CTXND2: variants seen among roughly 807,000 people sequenced by gnomAD.
CTXND2 encodes cortexin domain containing 2.
intron 1 of CTXND2, among the ~76,000 whole-genome samples, chr1:150,901,836 T>G (rs1669041451): frequency 6.6e-6 from 1 of 151,406 alleles, no homozygotes; most frequent in African/African-American, 2.4e-5. Flanking sequence ...GAGAATGGCG[T>G]GAACCTGGGA....
intron 1 of CTXND2, among the ~76,000 whole-genome samples, chr1:150,895,528 G>A (rs1668904747): frequency 1.3e-5 from 2 of 152,040 alleles, no homozygotes; most frequent in East Asian, 1.9e-4. Flanking sequence ...ATTTTCAGTA[G>A]AGATGGGCTT....
intron 1 of CTXND2, among the ~76,000 whole-genome samples, chr1:150,893,720 A>C (rs587684720): frequency 6.6e-6 from 1 of 152,124 alleles, no homozygotes; most frequent in East Asian, 1.9e-4. Context: ...CAGCCTCCCA[A>C]AATGCTGGGA....
intron 1 of CTXND2, among the ~76,000 whole-genome samples, chr1:150,887,640 G>A (rs1401339434): frequency 6.6e-6 from 1 of 151,980 alleles, no homozygotes; most frequent in East Asian, 1.9e-4. Flanking sequence ...AGGAAAGTTG[G>A]GGGGACCTCT....
chr1:150,901,447 T>C (rs907994087), intron 1 of CTXND2, among the ~76,000 whole-genome samples: 2 of 152,184 alleles, frequency 1.3e-5, no homozygotes, highest in African/African-American at 4.8e-5. Flanking sequence ...CCAAACACTC[T>C]TGAAAATGAA....
At chr1:150,890,831 C>G (rs1459265399) in intron 1 of CTXND2, among the ~76,000 whole-genome samples, 1 of 152,124 alleles carries the variant, frequency 6.6e-6, no homozygotes, top group Non-Finnish European at 1.5e-5. Context: ...CCTTCACTTT[C>G]ATGCATTGTG....
At chr1:150,906,267 CCAG>C (rs1669145146) in intron 1 of CTXND2, among the ~76,000 whole-genome samples, 1 of 151,914 alleles carries the variant, frequency 6.6e-6, no homozygotes, top group Non-Finnish European at 1.5e-5. Context: ...CCACTGCACT[CCAG>C]CCTGGGTGAC....
exon 2 of CTXND2, chr1:150,912,378 G>T (rs1056971607): frequency 7.5e-6 from 3 of 398,414 alleles, no homozygotes; most frequent in African/African-American, 2.1e-5. Flanking sequence ...TGCCTTTGTT[G>T]TTCTTCTGTT....
chr1:150,906,344 C>A (rs587621702), intron 1 of CTXND2, among the ~76,000 whole-genome samples: 32 of 152,124 alleles, frequency 2.1e-4, no homozygotes, highest in Non-Finnish European at 2.9e-5. Flanking sequence ...GGGAGGGCAA[C>A]TGGGAATTCT....
chr1:150,894,064 T>C lies in CTXND2; in HGVS notation c.-74+6751T>C, dbSNP rs368276789. Among the ~76,000 whole-genome samples the C allele has an allele frequency of 1.3e-4, 20 of 152,224 alleles. No homozygotes were observed. In the East Asian group the frequency reaches 3.3e-3, roughly 25 times the overall value. ...AACTCCTGGACTCAGGCAATCCTCC[T>C]GTCTTGGCTAGTATTAAGTTTTATC... is the stretch of plus-strand genomic sequence containing the variant. On this transcript the variant is annotated intron_variant, in intron 1 of 1. Coordinates refer to ENST00000636087, the Ensembl canonical transcript of CTXND2.
intron 1 of CTXND2, 126 bp from the exon 2 acceptor site, chr1:150,912,116 C>G (rs1027922127): frequency 1.6e-5 from 6 of 382,664 alleles, no homozygotes; most frequent in Non-Finnish European, 4.6e-6. Flanking sequence ...AGTTTTGTAA[C>G]TGCTTCTTAA....
chr1:150,910,609 G>A (rs1471534650), intron 1 of CTXND2, among the ~76,000 whole-genome samples: 1 of 150,974 alleles, frequency 6.6e-6, no homozygotes, highest in Non-Finnish European at 1.5e-5. Context: ...ATAGATACAT[G>A]GGTTTATTTC....
In CTXND2 at chr1:150,906,118, G is replaced by A. The variant is rs977890535; in HGVS notation, c.-73-6124G>A. ...GTTTGAAACCAGCCTGGGCATCATA[G>A]TAAGGCCTCGTCTCTACAAAAAATT... On this transcript the variant is annotated intron_variant, in intron 1 of 1. Coordinates refer to ENST00000636087, the Ensembl canonical transcript of CTXND2. Among the ~76,000 whole-genome samples, 12 of 152,002 alleles carry A rather than the reference G, an allele frequency of 7.9e-5. No homozygotes were observed. The South Asian group carries it at 1.0e-3, about 13-fold the overall frequency.
intron 1 of CTXND2, among the ~76,000 whole-genome samples, chr1:150,898,171 C>G (rs1305414455): frequency 6.8e-6 from 1 of 148,042 alleles, no homozygotes; most frequent in African/African-American, 2.5e-5. Context: ...TTTTGTCTTT[C>G]TAGGATGATG....
At chr1:150,910,120 GTTTTTTT>G (rs1023134562) in intron 1 of CTXND2, among the ~76,000 whole-genome samples, 1 of 131,238 alleles carries the variant, frequency 7.6e-6, no homozygotes, top group South Asian at 2.4e-4. Context: ...TCTTTTTTCT[GTTTTTTT>G]TTTTTCTTTT....
intron 1 of CTXND2, among the ~76,000 whole-genome samples, chr1:150,910,857 T>C (rs1017553921): frequency 6.6e-6 from 1 of 151,952 alleles, no homozygotes; most frequent in African/African-American, 2.4e-5. Flanking sequence ...CAGGCTGGAG[T>C]GCAGTGGCGT....
At chr1:150,909,267 G>A (rs1317857570) in intron 1 of CTXND2, among the ~76,000 whole-genome samples, 1 of 147,092 alleles carries the variant, frequency 6.8e-6, no homozygotes, top group African/African-American at 2.5e-5. Context: ...GTACAAAAGT[G>A]TTGACCAGGC....
chr1:150,904,842 A>G (rs778854167), intron 1 of CTXND2, among the ~76,000 whole-genome samples: 2 of 152,166 alleles, frequency 1.3e-5, no homozygotes, highest in Non-Finnish European at 2.9e-5. Context: ...CATGCTTTTA[A>G]AATAGTAGCA....
At chr1:150,888,958 C>A (rs1387234451) in intron 1 of CTXND2, among the ~76,000 whole-genome samples, 1 of 151,970 alleles carries the variant, frequency 6.6e-6, no homozygotes, top group Non-Finnish European at 1.5e-5. Context: ...CCCGCCTCAG[C>A]CTCTCAAAGG....
exon 2 of CTXND2, chr1:150,912,672 A>G: frequency 2.6e-6 from 1 of 387,768 alleles, no homozygotes; most frequent in Non-Finnish European, 4.5e-6. Context: ...GGTTGAATTT[A>G]TTGGCTAGAA....
Sources: allele counts gnomAD v4.1 joint callset (sites outside exome capture counted in the v4.1 genomes callset), GRCh38; gene constraint gnomAD v4.1.1; transcripts MANE v1.5; gene names NCBI Gene and HGNC (gene_info 2026-07-23, HGNC 2026-07-21).